CACNB2: variants seen among roughly 807,000 people sequenced by gnomAD.
The protein encoded by CACNB2 is calcium voltage-gated channel auxiliary subunit beta 2, also known as voltage-dependent L-type calcium channel subunit beta-2.
Under a neutral mutation model 73.3 loss-of-function variants are expected in CACNB2, and 42 were observed. The observed-to-expected ratio is 0.57, with a 90% CI of 0.45 to 0.74. The LOEUF is 0.74. CACNB2 is among the 30% of genes least tolerant of loss of function. The pLI is 0.00. For synonymous variants in CACNB2, 348 were observed against 310.3 expected, an observed-to-expected ratio of 1.12 and a Z score of -1.28; for missense variants, 940 against 853.0, an observed-to-expected ratio of 1.10 and a Z score of -1.27.
chr10:18,228,690 G>C (rs1438595308), intron 2 of CACNB2, among the ~76,000 whole-genome samples: 5 of 151,956 alleles, frequency 3.3e-5, no homozygotes, highest in Admixed American at 6.6e-5. Flanking sequence ...GAGACAGCCT[G>C]TGTCAGTTTT....
intron 2 of CACNB2, among the ~76,000 whole-genome samples, chr10:18,395,162 A>G (rs1040311656): frequency 1.3e-5 from 2 of 152,196 alleles, no homozygotes; most frequent in East Asian, 1.9e-4. Context: ...CTTACTAAAA[A>G]TTAATGTTAG....
At position 18,442,992 on chromosome 10, in the gene CACNB2, ATATATGTGTATATATATATATG is replaced by A. The variant is rs1212608617; in HGVS notation, c.333+40955_333+40976del. 1.5e-3 allele frequency among the ~76,000 whole-genome samples: 24 copies of A among 16,370 alleles called. 1 individual carries two copies. Among genetic ancestry groups the A allele is most frequent in the Admixed American group, 3.1e-3 (5 of 1,626 alleles). The allele number at this position is 16,370 out of a possible 152,430, so 10.7% of individuals were successfully genotyped here. On this transcript the variant is annotated intron_variant, in intron 3 of 13. Coordinates refer to ENST00000324631, the MANE Select transcript of CACNB2 (RefSeq NM_201596.3). ...TATGTGTATATATATATATGTATAT[ATATATGTGTATATATATATATG>A]TATATATATATATATATATATAAAT...
intron 2 of CACNB2, among the ~76,000 whole-genome samples, chr10:18,171,690 C>T (rs1230518068): frequency 6.6e-6 from 1 of 151,390 alleles, no homozygotes; most frequent in Non-Finnish European, 1.5e-5. Context: ...AAGGATGAAG[C>T]ACTCTGATGA....
At chr10:18,288,676 T>TATACACACACAC (rs1554785394) in intron 2 of CACNB2, among the ~76,000 whole-genome samples, 1 of 144,312 alleles carries the variant, frequency 6.9e-6, no homozygotes, top group African/African-American at 2.6e-5. Context: ...ATGAGATTTA[T>TATACACACACAC]ACACACACAC....
intron 3 of CACNB2, among the ~76,000 whole-genome samples, chr10:18,442,876 T>A (rs1342782622): frequency 7.0e-6 from 1 of 143,770 alleles, no homozygotes; most frequent in Non-Finnish European, 1.5e-5. Context: ...AGAGCTTGAG[T>A]GTATCCATGT....
chr10:18,271,034 A>G lies in CACNB2; in HGVS notation c.213+120059A>G, dbSNP rs1391157492. ...AGTCAGTCTATGAAGCTTCCCCTAG[A>G]TACTTCATTGATTTATGTGATATAT... On this transcript the variant is annotated intron_variant, in intron 2 of 13. Coordinates refer to ENST00000324631, the MANE Select transcript of CACNB2 (RefSeq NM_201596.3). Among the ~76,000 whole-genome samples the G allele has an allele frequency of 2.6e-5, 4 of 152,198 alleles. No individual in the cohort carries two copies. In the East Asian group the frequency reaches 7.7e-4, roughly 29 times the overall value.
chr10:18,304,518 A>T (rs2039651780), intron 2 of CACNB2, among the ~76,000 whole-genome samples: 1 of 151,176 alleles, frequency 6.6e-6, no homozygotes, highest in Non-Finnish European at 1.5e-5. Flanking sequence ...TTTTCACTCC[A>T]TTTTTTTTTC....
At position 18,478,404 on chromosome 10, in the gene CACNB2, A is replaced by G. The variant is rs1258469654; in HGVS notation, c.334-19951A>G. 2.0e-5 allele frequency among the ~76,000 whole-genome samples: 3 copies of G among 152,228 alleles called. No homozygotes were observed. The East Asian group carries it at 5.8e-4, about 29-fold the overall frequency. On this transcript the variant is annotated intron_variant, in intron 3 of 13. Coordinates refer to ENST00000324631, the MANE Select transcript of CACNB2 (RefSeq NM_201596.3). ...GTCTCCAATTGCGACATTCTTCAGAACTTATTAAAGATATCTGAAGTGTAT... is the reference window on the plus strand; with the variant it reads ...GTCTCCAATTGCGACATTCTTCAGAGCTTATTAAAGATATCTGAAGTGTAT...
At position 18,447,629 on chromosome 10, in the gene CACNB2, T is replaced by C. The variant is rs542316047; in HGVS notation, c.333+45586T>C. Among the ~76,000 whole-genome samples the C allele has an allele frequency of 5.3e-5, 8 of 151,170 alleles. No homozygotes were observed. In the East Asian group the frequency reaches 1.6e-3, roughly 30 times the overall value. On this transcript the variant is annotated intron_variant, in intron 3 of 13. Transcript: ENST00000324631. ...TGGGGGAGCTTTAAAGTTTGGAAAA[T>C]AAGACATGATCACTGGCTTTGGAAA...
chr10:18,247,031 T>C (rs1023087535), intron 2 of CACNB2, among the ~76,000 whole-genome samples: 3 of 152,194 alleles, frequency 2.0e-5, no homozygotes, highest in Non-Finnish European at 4.4e-5. Context: ...AGCCTCGCAG[T>C]TGTAAGGCAT....
At chr10:18,168,146 C>CATG (rs1278526232) in intron 2 of CACNB2, among the ~76,000 whole-genome samples, 1 of 152,144 alleles carries the variant, frequency 6.6e-6, no homozygotes, top group African/African-American at 2.4e-5. Context: ...CACTGCTGGA[C>CATG]ATGATGGCTC....
chr10:18,275,474 G>A (rs913898333), intron 2 of CACNB2, among the ~76,000 whole-genome samples: 1 of 152,144 alleles, frequency 6.6e-6, no homozygotes, highest in Non-Finnish European at 1.5e-5. Flanking sequence ...CTCATATTAA[G>A]CATCAGGAAG....
chr10:18,314,131 A>T (rs1231366367), intron 2 of CACNB2, among the ~76,000 whole-genome samples: 1 of 152,214 alleles, frequency 6.6e-6, no homozygotes. Flanking sequence ...CATGGATTTT[A>T]TCACTTGGAA....
Position 18,402,000 on chromosome 10 carries a change from G to C in CACNB2, c.290G>C (p.Arg97Thr), listed in dbSNP as rs1564509094. 35 of 1,614,146 alleles carry C rather than the reference G, an allele frequency of 2.2e-5. No individual in the cohort carries two copies. Among genetic ancestry groups the C allele is most frequent in the Non-Finnish European group, 3.0e-5 (35 of 1,179,984 alleles). The change falls in exon 3 of 14, where the codon AGA becomes ACA. Residue 97 changes from arginine to threonine, a missense_variant. By Grantham distance (71) the Arg-to-Thr change is moderately conservative. Transcript: ENST00000324631. ...SLEEDREAVR[R>T]EAERQAQAQL... ...GAGGAGGACCGGGAGGCAGTGCGCA[G>C]AGAAGCGGAGCGGCAGGCCCAGGCA...
chr10:18,519,694 A>ATTTTT (rs200407642), intron 9 of CACNB2: 4 of 451,356 alleles, frequency 8.9e-6, no homozygotes, highest in Non-Finnish European at 8.9e-6. Context: ...TAGGTGTCTC[A>ATTTTT]TTTTTTTTTC....
intron 2 of CACNB2, among the ~76,000 whole-genome samples, chr10:18,313,594 C>A (rs1289553147): frequency 6.6e-6 from 1 of 152,090 alleles, no homozygotes; most frequent in Non-Finnish European, 1.5e-5. Context: ...TCAACACTTC[C>A]TTTTCCTCCC....
At chr10:18,389,513 T>C (rs1170776729) in intron 2 of CACNB2, among the ~76,000 whole-genome samples, 2 of 152,246 alleles carry the variant, frequency 1.3e-5, no homozygotes, top group African/African-American at 4.8e-5. Context: ...TGTTGTTTTC[T>C]GGTTTTATTA....
At chr10:18,365,882 C>T (rs7904974) in intron 2 of CACNB2, among the ~76,000 whole-genome samples, 1 of 151,900 alleles carries the variant, frequency 6.6e-6, no homozygotes, top group African/African-American at 2.4e-5. Context: ...ATGTATAGAA[C>T]TATCTTTGTT....
chr10:18,362,012 A>C (rs2042162892), intron 2 of CACNB2, among the ~76,000 whole-genome samples: 1 of 152,112 alleles, frequency 6.6e-6, no homozygotes, highest in African/African-American at 2.4e-5. Flanking sequence ...TATATTTTGT[A>C]GGGATGAGGT....
Sources: gnomAD v4.1 joint callset for allele counts (sites outside exome capture counted in the v4.1 genomes callset) on GRCh38, gnomAD v4.1.1 for gene constraint, MANE v1.5 for transcripts, NCBI Gene and HGNC (gene_info 2026-07-23, HGNC 2026-07-21) for gene names.